Variants in AHRR observed in about 807,000 individuals in gnomAD.
AHRR encodes aryl hydrocarbon receptor repressor, also known as ahR repressor.
Under a neutral mutation model 44.0 loss-of-function variants are expected in AHRR, and 28 were observed. That is an observed-to-expected ratio of 0.64 (90% CI 0.47 to 0.87). The LOEUF (loss-of-function observed/expected upper bound fraction) is 0.87, where lower values mean the gene tolerates loss of function less well. AHRR is among the 40% of genes least tolerant of loss of function. The pLI is 0.00. For missense variants in AHRR, 990 were observed against 953.9 expected (o/e 1.04, Z -0.50); for synonymous variants, 434 against 407.0 (o/e 1.07, Z -0.80).
chr5:370,435 G>A lies in AHRR; in HGVS notation c.245-6175G>A, dbSNP rs960500307. Reference sequence around the variant, plus strand: ...CATCCAACTCCTGGACGGGAGAGGTGTCGTAAGGGTCCCTCAGGAGGGAGC... The same window carrying A: ...CATCCAACTCCTGGACGGGAGAGGTATCGTAAGGGTCCCTCAGGAGGGAGC... On this transcript the variant is annotated intron_variant, in intron 3 of 10. Transcript: ENST00000684583. This position sits in a 1 kb window ranked among gnomAD's most constrained non-coding sequence, Gnocchi z 4.5. Among the ~76,000 whole-genome samples the A allele has an allele frequency of 7.9e-5, 12 of 152,324 alleles. No homozygotes were observed. Among genetic ancestry groups the A allele is most frequent in the African/African-American group, 2.9e-4 (12 of 41,576 alleles).
rs377377745 is a variant in AHRR at position 431,127 on chromosome 5, C to A, written c.909-1336C>A. ...AACCCTAGAAGCAGAGGGGACGCAG[C>A]CCCCTGGTGTCAGAGCAGGGCAGGG... On this transcript the variant is annotated intron_variant, in intron 8 of 10. Coordinates refer to ENST00000684583, the MANE Select transcript of AHRR (RefSeq NM_001377236.1). 3.3e-5 allele frequency among the ~76,000 whole-genome samples: 5 copies of A among 152,166 alleles called. No individual in the cohort carries two copies. In the South Asian group the frequency reaches 1.0e-3, roughly 31 times the overall value.
intron 6 of AHRR, among the ~76,000 whole-genome samples, chr5:423,516 T>G (rs1736229822): frequency 6.6e-6 from 1 of 152,124 alleles, no homozygotes; most frequent in Non-Finnish European, 1.5e-5. Flanking sequence ...CACGGAAAGT[T>G]TCCACCATGA....
intron 4 of AHRR, among the ~76,000 whole-genome samples, chr5:378,261 G>C (rs1579642126): frequency 6.6e-6 from 1 of 152,228 alleles, no homozygotes; most frequent in Non-Finnish European, 1.5e-5. Flanking sequence ...CTGAAAAAAA[G>C]GGGAGGTTTA....
intron 3 of AHRR, among the ~76,000 whole-genome samples, chr5:369,147 C>T (rs1257633015): frequency 6.6e-6 from 1 of 152,220 alleles, no homozygotes; most frequent in Non-Finnish European, 1.5e-5. Context: ...TTGCTGGGAC[C>T]CCCTTCTGAC....
At chr5:361,940 A>T (rs1469133866) in intron 3 of AHRR, among the ~76,000 whole-genome samples, 1 of 152,186 alleles carries the variant, frequency 6.6e-6, no homozygotes, top group Non-Finnish European at 1.5e-5. Flanking sequence ...GATGGAGTTA[A>T]TGTATTTTGC....
In AHRR at chr5:415,031, G is replaced by A. The variant is rs370440564; in HGVS notation, c.441+1598G>A. Among the ~76,000 whole-genome samples the A allele has an allele frequency of 2.8e-4, 43 of 152,360 alleles. No individual in the cohort carries two copies. In the South Asian group the frequency reaches 4.6e-3, roughly 16 times the overall value. Reference sequence around the variant, plus strand: ...CTGAGAGCCAGACCCTCAGTGGCACGGGGTGGGGCCATGGCCGGGGCAGTG... The same window carrying A: ...CTGAGAGCCAGACCCTCAGTGGCACAGGGTGGGGCCATGGCCGGGGCAGTG... On this transcript the variant is annotated intron_variant, in intron 5 of 10. Coordinates refer to ENST00000684583, the MANE Select transcript of AHRR (RefSeq NM_001377236.1).
intron 3 of AHRR, among the ~76,000 whole-genome samples, chr5:362,188 G>A (rs893276326): frequency 1.2e-4 from 19 of 152,324 alleles, no homozygotes; most frequent in African/African-American, 4.1e-4. Flanking sequence ...AAGCACAGCA[G>A]GAAATTCATG....
At chr5:400,172 G>C (rs1734954215) in intron 4 of AHRR, among the ~76,000 whole-genome samples, 1 of 152,234 alleles carries the variant, frequency 6.6e-6, no homozygotes, top group African/African-American at 2.4e-5. Context: ...GATGTGGAGG[G>C]TTGTTCCTTT....
chr5:424,386 C>G lies in AHRR; in HGVS notation c.708+409C>G, dbSNP rs1188676085. Among the ~76,000 whole-genome samples, 4 of 99,332 alleles carry G rather than the reference C, an allele frequency of 4.0e-5. No individual in the cohort carries two copies. The East Asian group carries it at 1.1e-3, about 27-fold the overall frequency. 65.2% of individuals were successfully genotyped at this position (99,332 alleles called of 152,430 possible). A position where few individuals can be genotyped will look rare whatever the true frequency, so the allele number is the denominator to read the frequency against. ...TGTGGGGGTGTTAACCCATGTGTCC[C>G]TGGTGGGGGGGCGAGGGCCGGTGCT... On this transcript the variant is annotated intron_variant, in intron 7 of 10. Coordinates refer to ENST00000684583, the MANE Select transcript of AHRR (RefSeq NM_001377236.1).
intron 8 of AHRR, among the ~76,000 whole-genome samples, chr5:428,829 C>G (rs1019033869): frequency 6.6e-6 from 1 of 152,196 alleles, no homozygotes; most frequent in Admixed American, 6.5e-5. Context: ...CTCATGAGCT[C>G]GAACCTAGGG....
At chr5:378,788 G>T (rs191130781) in intron 4 of AHRR, among the ~76,000 whole-genome samples, 1 of 152,188 alleles carries the variant, frequency 6.6e-6, no homozygotes, top group African/African-American at 2.4e-5. Flanking sequence ...GGGCTACAGG[G>T]CTGTTGGGTT....
Position 413,329 on chromosome 5 carries a change from T to C in AHRR, c.352-15T>C, listed in dbSNP as rs1735550325. 1 of 1,568,898 alleles carries C rather than the reference T, an allele frequency of 6.4e-7. No individual in the cohort carries two copies. Among genetic ancestry groups the C allele is most frequent in the African/African-American group, 1.4e-5 (1 of 72,274 alleles). ...GCCAATTCGATTTTTTTTTTTGTTT[T>C]GTTTTTTCTTCTAGTCTCTTAATGG... On this transcript the variant is annotated splice_polypyrimidine_tract_variant and intron_variant, in intron 4 of 10. Transcript: ENST00000684583.
Position 391,414 on chromosome 5 carries a change from A to G in AHRR, c.351+14698A>G, listed in dbSNP as rs1194659545. 2.8e-5 allele frequency among the ~76,000 whole-genome samples: 3 copies of G among 107,392 alleles called. No homozygotes were observed. In the East Asian group the frequency reaches 9.0e-4, roughly 32 times the overall value. 70.5% of individuals were successfully genotyped at this position (107,392 alleles called of 152,430 possible). A position where few individuals can be genotyped will look rare whatever the true frequency, so the allele number is the denominator to read the frequency against. On this transcript the variant is annotated intron_variant, in intron 4 of 10. Transcript: ENST00000684583. ...AGGGCGCAGGGCGAGGCAGGGCCAG[A>G]GCGTGCACGGGGGCAGGGCGAGGCG... is the stretch of plus-strand genomic sequence containing the variant.
chr5:407,086 A>G (rs1735292025), intron 4 of AHRR, among the ~76,000 whole-genome samples: 1 of 152,194 alleles, frequency 6.6e-6, no homozygotes, highest in African/African-American at 2.4e-5. Context: ...GAGGCCTGAC[A>G]GTATTTCTTA....
chr5:398,147 C>T (rs1269345062), intron 4 of AHRR, among the ~76,000 whole-genome samples: 2 of 138,320 alleles, frequency 1.4e-5, no homozygotes, highest in African/African-American at 6.1e-5. Context: ...ATGTTAGCCC[C>T]TGACCATCCA....
intron 3 of AHRR, among the ~76,000 whole-genome samples, chr5:355,863 T>G (rs1050050522): frequency 1.8e-4 from 28 of 152,254 alleles, no homozygotes; most frequent in Admixed American, 1.6e-3. Context: ...ATAAACTTCC[T>G]GATTTTTCTA....
intron 8 of AHRR, among the ~76,000 whole-genome samples, chr5:429,496 C>G (rs1230654838): frequency 6.6e-6 from 1 of 152,240 alleles, no homozygotes; most frequent in African/African-American, 2.4e-5. Context: ...GCCCCTGCCC[C>G]CTGGCCCTCA....
chr5:428,066 C>G (rs1736550532), intron 8 of AHRR, 60 bp downstream of exon 8: 3 of 1,518,088 alleles, frequency 2.0e-6, no homozygotes, highest in Non-Finnish European at 1.8e-6. Flanking sequence ...CACAAAACAC[C>G]TCCACACTCA....
At chr5:394,935 G>A (rs941838646) in intron 4 of AHRR, among the ~76,000 whole-genome samples, 3 of 152,226 alleles carry the variant, frequency 2.0e-5, no homozygotes, top group African/African-American at 7.2e-5. Context: ...AGCTGGCGGT[G>A]CGGCCGTGTC....
Sources: allele counts gnomAD v4.1 joint callset (sites outside exome capture counted in the v4.1 genomes callset), GRCh38; gene constraint gnomAD v4.1.1; non-coding constraint Gnocchi (gnomAD v3.1); transcripts MANE v1.5; gene names NCBI Gene and HGNC (gene_info 2026-07-23, HGNC 2026-07-21).